CRACD: variants seen among roughly 807,000 people sequenced by gnomAD.
The protein encoded by CRACD is capping protein-inhibiting regulator of actin dynamics.
CRACD carries 56 observed loss-of-function variants against 106.8 expected under a neutral mutation model. The observed-to-expected ratio is 0.52, with a 90% CI of 0.42 to 0.66. The LOEUF (loss-of-function observed/expected upper bound fraction) is 0.66, where lower values mean the gene tolerates loss of function less well. CRACD is among the 30% of genes least tolerant of loss of function. The pLI, the probability that CRACD is intolerant of heterozygous loss-of-function variation, is 0.00. For synonymous variants in CRACD, 754 were observed against 670.8 expected, an observed-to-expected ratio of 1.12 and a Z score of -1.92; for missense variants, 1,730 against 1,623.2, an observed-to-expected ratio of 1.07 and a Z score of -1.13.
chr4:56,201,686 G>A (rs1300902480), intron 2 of CRACD, among the ~76,000 whole-genome samples: 2 of 152,152 alleles, frequency 1.3e-5, no homozygotes, highest in African/African-American at 2.4e-5. Context: ...AAACAGTTTT[G>A]AAAATTGTTT....
At chr4:56,152,861 G>T (rs1735631087) in intron 1 of CRACD, among the ~76,000 whole-genome samples, 3 of 152,178 alleles carry the variant, frequency 2.0e-5, no homozygotes, top group Admixed American at 1.3e-4. Flanking sequence ...CTCTTCACCT[G>T]TAGGAGGGAA....
intron 1 of CRACD, among the ~76,000 whole-genome samples, chr4:56,086,618 G>C (rs1733228056): frequency 6.6e-6 from 1 of 152,004 alleles, no homozygotes; most frequent in South Asian, 2.1e-4. Context: ...TGCAAATCCA[G>C]TGCCCCATTC....
chr4:56,109,875 A>G (rs1027881249), intron 1 of CRACD, among the ~76,000 whole-genome samples: 1 of 152,132 alleles, frequency 6.6e-6, no homozygotes, highest in Non-Finnish European at 1.5e-5. Flanking sequence ...ACATTCAAAT[A>G]ATGGAAAATC....
At chr4:56,064,293 C>A (rs1048111603) in intron 1 of CRACD, among the ~76,000 whole-genome samples, 2 of 152,170 alleles carry the variant, frequency 1.3e-5, no homozygotes, top group Admixed American at 1.3e-4. Context: ...TGTAGGTTGT[C>A]TTTTCATTGT....
chr4:56,070,301 AT>A (rs56087277), intron 1 of CRACD, among the ~76,000 whole-genome samples: 4,437 of 133,510 alleles, frequency 0.033, 82 homozygotes, highest in Admixed American at 0.067. Flanking sequence ...GTCCTTGCCC[AT>A]TTTTTTTTTT....
At position 56,280,461 on chromosome 4, in the gene CRACD, G is replaced by A. The variant is rs897001314; in HGVS notation, c.-17+7969G>A. ...CTGCACAAATGTGCCTTCCTTAGGAGAGCAAGCTTTCTTTGATTCCCTCAG... is the reference window on the plus strand; with the variant it reads ...CTGCACAAATGTGCCTTCCTTAGGAAAGCAAGCTTTCTTTGATTCCCTCAG... On this transcript the variant is annotated intron_variant, in intron 3 of 10. Transcript: ENST00000682029. Among the ~76,000 whole-genome samples the A allele has an allele frequency of 7.9e-5, 12 of 152,146 alleles. No individual in the cohort carries two copies. In the East Asian group the frequency reaches 2.1e-3, roughly 27 times the overall value.
intron 2 of CRACD, among the ~76,000 whole-genome samples, chr4:56,258,274 A>G (rs578010515): frequency 2.1e-3 from 315 of 152,236 alleles, no homozygotes; most frequent in Non-Finnish European, 3.8e-3. Flanking sequence ...GAATCCACCT[A>G]TGACCTGAAG....
chr4:56,221,905 A>T (rs1026940504), intron 2 of CRACD, among the ~76,000 whole-genome samples: 3 of 152,216 alleles, frequency 2.0e-5, no homozygotes, highest in African/African-American at 7.2e-5. Flanking sequence ...GTTGGCATAG[A>T]TGTGGTGAAT....
chr4:56,313,100 G>A (rs912924178), intron 6 of CRACD, 97 bp from the exon 7 acceptor site: 2 of 1,082,590 alleles, frequency 1.8e-6, no homozygotes, highest in Non-Finnish European at 2.7e-6. Flanking sequence ...GGGCCAGGCT[G>A]GGCGAGGCGC....
Position 56,314,066 on chromosome 4 carries a change from T to C in CRACD, c.564T>C (p.Leu188=). Residue 188 remains leucine, a synonymous_variant, in exon 8 of 11, where the codon CTT becomes CTC. Coordinates refer to ENST00000682029, the MANE Select transcript of CRACD (RefSeq NM_001393381.1). This position sits in a 1 kb window ranked among gnomAD's most constrained non-coding sequence, Gnocchi z 4.4. ...ATCCACAACATGAGCAAGGCGGCCT[T>C]GAGAGTCGGCCCTGCCTGGACCAGA... The part of the protein sequence containing the change: ...AQDPQHEQGG[L]ESRPCLDQNG... The C allele has an allele frequency of 6.2e-7, 1 of 1,613,864 alleles. No individual in the cohort carries two copies. The highest frequency in any genetic ancestry group is 1.1e-5 in the South Asian group (1 of 91,078).
intron 1 of CRACD, among the ~76,000 whole-genome samples, chr4:56,104,873 A>G (rs1294208834): frequency 6.6e-6 from 1 of 150,982 alleles, no homozygotes; most frequent in Non-Finnish European, 1.5e-5. Context: ...AGGCTGAGGC[A>G]GGAGAATGGC....
intron 1 of CRACD, among the ~76,000 whole-genome samples, chr4:56,059,944 A>C (rs1236637315): frequency 6.6e-6 from 1 of 152,216 alleles, no homozygotes; most frequent in African/African-American, 2.4e-5. Flanking sequence ...TCGGCCTCCC[A>C]AAGTGCTGGG....
At chr4:56,113,118 A>C (rs937828401) in intron 1 of CRACD, among the ~76,000 whole-genome samples, 1 of 120,064 alleles carries the variant, frequency 8.3e-6, no homozygotes, top group Non-Finnish European at 1.7e-5. Flanking sequence ...GCTTGATTCA[A>C]TTAACTTAGT....
chr4:56,277,989 C>A (rs1231462512), intron 3 of CRACD, among the ~76,000 whole-genome samples: 1 of 152,122 alleles, frequency 6.6e-6, no homozygotes, highest in Non-Finnish European at 1.5e-5. Context: ...GACAAAATAT[C>A]ATTGAAAGAA....
intron 1 of CRACD, among the ~76,000 whole-genome samples, chr4:56,143,000 AT>A (rs1196033530): frequency 0.019 from 2,800 of 146,692 alleles, 75 homozygotes; most frequent in African/African-American, 0.061. Context: ...TCTCTTTCAA[AT>A]TTTTTTTTTT....
chr4:56,307,199 G>C (rs540303976), intron 4 of CRACD, among the ~76,000 whole-genome samples: 6 of 152,182 alleles, frequency 3.9e-5, no homozygotes, highest in African/African-American at 1.4e-4. Context: ...ATAGGTTAAT[G>C]AAAAATTTTT....
intron 1 of CRACD, among the ~76,000 whole-genome samples, chr4:56,086,220 T>G (rs1733213126): frequency 1.3e-5 from 2 of 152,134 alleles, no homozygotes. Context: ...AGCCAGGAAT[T>G]GCAGGGGGTC....
chr4:56,183,265 TAAAATAAAATAAA>T (rs1736927840), intron 2 of CRACD, among the ~76,000 whole-genome samples: 1 of 144,892 alleles, frequency 6.9e-6, no homozygotes, highest in East Asian at 1.9e-4. Flanking sequence ...TAAAATAAAA[TAAAATAAAATAAA>T]ATAAAATAAA....
chr4:56,302,788 A>C (rs957649324), intron 4 of CRACD, among the ~76,000 whole-genome samples: 8 of 152,238 alleles, frequency 5.3e-5, no homozygotes, highest in African/African-American at 1.9e-4. Context: ...ACACTGGCAG[A>C]GAGCTGCAGA....
Sources: gnomAD v4.1 joint callset for allele counts (sites outside exome capture counted in the v4.1 genomes callset) on GRCh38, gnomAD v4.1.1 for gene constraint, Gnocchi (gnomAD v3.1) non-coding constraint, MANE v1.5 for transcripts, NCBI Gene and HGNC (gene_info 2026-07-23, HGNC 2026-07-21) for gene names.